Variants in PDE7B observed in about 807,000 individuals in gnomAD.
The protein encoded by PDE7B is phosphodiesterase 7B.
Under a neutral mutation model 56.2 loss-of-function variants are expected in PDE7B, and 29 were observed. That is an observed-to-expected ratio of 0.52 (90% CI 0.38 to 0.70). The LOEUF (loss-of-function observed/expected upper bound fraction) is 0.70. Among genes scored for constraint, PDE7B ranks in the 30% least tolerant of loss-of-function variants. The pLI is 0.00. For missense variants in PDE7B, 490 were observed against 565.0 expected (o/e 0.87, Z 1.35); for synonymous variants, 197 against 196.9 (o/e 1.00, Z 0.00).
intron 5 of PDE7B, among the ~76,000 whole-genome samples, chr6:136,150,524 T>G (rs978202439): frequency 1.3e-5 from 2 of 152,246 alleles, no homozygotes; most frequent in Admixed American, 1.3e-4. Flanking sequence ...TGCAGAAGCA[T>G]GAATTTATTT....
At position 136,191,599 on chromosome 6, in the gene PDE7B, A is replaced by T; in HGVS notation, c.1127-15A>T. ...CACCACGCTGTGATGCTGAGCCTTGACTTGCCTGTTCTAGGTTTCATGAGC... is the reference window on the plus strand; with the variant it reads ...CACCACGCTGTGATGCTGAGCCTTGTCTTGCCTGTTCTAGGTTTCATGAGC... On this transcript the variant is annotated splice_polypyrimidine_tract_variant and intron_variant, in intron 12 of 12. Transcript: ENST00000308191. 1 of 1,608,768 alleles carries T rather than the reference A, an allele frequency of 6.2e-7. No homozygotes were observed. Among genetic ancestry groups the T allele is most frequent in the South Asian group, 1.1e-5 (1 of 90,824 alleles).
intron 1 of PDE7B, among the ~76,000 whole-genome samples, chr6:135,900,281 A>G (rs1211104652): frequency 6.6e-6 from 1 of 152,142 alleles, no homozygotes; most frequent in East Asian, 1.9e-4. Flanking sequence ...TGTCTTGGTC[A>G]TTGCTCCTTA....
At chr6:135,962,081 T>A (rs1033872183) in intron 2 of PDE7B, among the ~76,000 whole-genome samples, 4 of 152,144 alleles carry the variant, frequency 2.6e-5, no homozygotes, top group Non-Finnish European at 5.9e-5. Flanking sequence ...AAGTTTGTGA[T>A]GTGTGGTATG....
At chr6:136,170,901 GC>G (rs1290695361) in intron 8 of PDE7B, among the ~76,000 whole-genome samples, 1 of 151,990 alleles carries the variant, frequency 6.6e-6, no homozygotes, top group Non-Finnish European at 1.5e-5. Context: ...CCTCTTAAAG[GC>G]CCCACCTCTC....
chr6:136,138,907 G>A (rs1013266952), intron 3 of PDE7B, among the ~76,000 whole-genome samples: 2 of 152,044 alleles, frequency 1.3e-5, no homozygotes, highest in South Asian at 2.1e-4. Context: ...AACCTACAAG[G>A]CATCATAGAA....
At chr6:135,890,587 C>G (rs371957419) in intron 1 of PDE7B, among the ~76,000 whole-genome samples, 1 of 152,106 alleles carries the variant, frequency 6.6e-6, no homozygotes. Flanking sequence ...CATAAACTCT[C>G]CAAGGAGTCT....
intron 2 of PDE7B, among the ~76,000 whole-genome samples, chr6:136,017,167 A>C (rs965684553): frequency 6.6e-6 from 1 of 152,226 alleles, no homozygotes; most frequent in African/African-American, 2.4e-5. Flanking sequence ...AAACAGGAGT[A>C]TATTACACAT....
In PDE7B at chr6:136,077,840, C is replaced by T. The variant is rs141553079; in HGVS notation, c.83-30891C>T. On this transcript the variant is annotated intron_variant, in intron 2 of 12. Transcript: ENST00000308191. ...ATGGAAAAGCTGAGCAACTTGGTAACGAATGTGAATATGTTTGGAAGCCCA... is the reference window on the plus strand; with the variant it reads ...ATGGAAAAGCTGAGCAACTTGGTAATGAATGTGAATATGTTTGGAAGCCCA... Among the ~76,000 whole-genome samples the T allele has an allele frequency of 9.8e-3, 1,493 of 152,192 alleles. 13 individuals are homozygous for T. Among genetic ancestry groups the T allele is most frequent in the Non-Finnish European group, 0.016 (1,112 of 67,992 alleles).
intron 2 of PDE7B, among the ~76,000 whole-genome samples, chr6:136,002,527 CA>C (rs994030088): frequency 6.6e-6 from 1 of 151,562 alleles, no homozygotes; most frequent in Non-Finnish European, 1.5e-5. Flanking sequence ...AAATGGAAAA[CA>C]AAAAAAGGCA....
intron 1 of PDE7B, among the ~76,000 whole-genome samples, chr6:135,899,286 TTAA>T (rs573541655): frequency 1.2e-3 from 180 of 152,144 alleles, no homozygotes; most frequent in African/African-American, 4.0e-3. Context: ...AACGTTCATC[TTAA>T]TAATAATAAG....
At chr6:135,981,766 C>CT (rs561731987) in intron 2 of PDE7B, among the ~76,000 whole-genome samples, 1,554 of 142,872 alleles carry the variant, frequency 0.011, 31 homozygotes, top group African/African-American at 0.034. Flanking sequence ...ACAATTAACT[C>CT]TTTTTTTTTT....
At chr6:136,106,426 G>A (rs955926699) in intron 2 of PDE7B, among the ~76,000 whole-genome samples, 2 of 152,034 alleles carry the variant, frequency 1.3e-5, no homozygotes, top group African/African-American at 2.4e-5. Flanking sequence ...AGAAAACAAC[G>A]GTATTGTAGA....
At chr6:136,143,714 T>G (rs933102370) in intron 3 of PDE7B, among the ~76,000 whole-genome samples, 3 of 152,064 alleles carry the variant, frequency 2.0e-5, no homozygotes, top group Non-Finnish European at 4.4e-5. Context: ...GCATCATTAG[T>G]TTAGTAATAT....
chr6:135,957,638 G>T (rs964494684), intron 2 of PDE7B, among the ~76,000 whole-genome samples: 1 of 152,086 alleles, frequency 6.6e-6, no homozygotes, highest in African/African-American at 2.4e-5. Flanking sequence ...GCACATTCCG[G>T]GTAATAGGTC....
chr6:136,051,249 C>T (rs906157616), intron 2 of PDE7B, among the ~76,000 whole-genome samples: 1 of 152,058 alleles, frequency 6.6e-6, no homozygotes, highest in East Asian at 1.9e-4. Flanking sequence ...AACCCTCTCT[C>T]GAAGTATATT....
intron 2 of PDE7B, among the ~76,000 whole-genome samples, chr6:136,009,794 CT>C (rs781675164): frequency 4.9e-4 from 74 of 152,264 alleles, no homozygotes; most frequent in South Asian, 8.3e-4. Flanking sequence ...GACAATTTGA[CT>C]TCTTCTTTTC....
chr6:136,038,576 C>A lies in PDE7B; in HGVS notation c.83-70155C>A, dbSNP rs76393848. The A allele has an allele frequency of 4.6e-3, 5,625 of 1,223,932 alleles. 33 individuals are homozygous for A. Among genetic ancestry groups the A allele is most frequent in the South Asian group, 0.012 (833 of 69,990 alleles). The allele number at this position is 1,223,932 out of a possible 1,614,324, so 75.8% of individuals were successfully genotyped here. On this transcript the variant is annotated intron_variant, in intron 2 of 12. Transcript: ENST00000308191. ...TAGGTCACAGGACCAAGTCTGATAA[C>A]TAACTCCCTTTCTTTGTAGAGTCCA...
chr6:135,929,299 G>A lies in PDE7B; in HGVS notation c.22-18165G>A, dbSNP rs146659838. ...AGAATACTTAAAACTTACAATGAGC[G>A]TACGGGACATGCAAAATAAAACAAA... On this transcript the variant is annotated intron_variant, in intron 1 of 12. Coordinates refer to ENST00000308191, the MANE Select transcript of PDE7B (RefSeq NM_018945.4). Among the ~76,000 whole-genome samples, 823 of 151,850 alleles carry A rather than the reference G, an allele frequency of 5.4e-3. 6 individuals carry two copies. The highest frequency in any genetic ancestry group is 0.017 in the African/African-American group (724 of 41,414).
At chr6:136,089,103 A>C (rs1777341478) in intron 2 of PDE7B, among the ~76,000 whole-genome samples, 1 of 152,172 alleles carries the variant, frequency 6.6e-6, no homozygotes, top group African/African-American at 2.4e-5. Flanking sequence ...TTTCTATTAC[A>C]TTTGAAGCCC....
Sources: allele counts gnomAD v4.1 joint callset (sites outside exome capture counted in the v4.1 genomes callset), GRCh38; gene constraint gnomAD v4.1.1; transcripts MANE v1.5; gene names NCBI Gene and HGNC (gene_info 2026-07-23, HGNC 2026-07-21).